The following RGS6 variants were observed in gnomAD, a reference collection of about 807,000 sequenced individuals.
RGS6 encodes the protein regulator of G protein signaling 6.
In RGS6, 30 loss-of-function variants were observed where a neutral mutation model predicts 78.5. The ratio of observed to expected loss-of-function variants is 0.38; its 90% CI spans 0.29 to 0.52. RGS6 has a LOEUF of 0.52. RGS6 is among the 20% of genes least tolerant of loss of function. RGS6 has a pLI of 0.85. For synonymous variants in RGS6, 206 were observed against 206.0 expected (o/e 1.00, Z 0.00); for missense variants, 495 against 609.7 (o/e 0.81, Z 1.98).
chr14:72,571,137 T>A (rs1390517307), downstream of RGS6, among the ~76,000 whole-genome samples: 1 of 152,216 alleles, frequency 6.6e-6, no homozygotes, highest in Non-Finnish European at 1.5e-5. Context: ...TTATTAGAAT[T>A]GAAAATTCCT....
chr14:72,236,362 C>A (rs1446608788), intron 2 of RGS6, among the ~76,000 whole-genome samples: 1 of 152,150 alleles, frequency 6.6e-6, no homozygotes, highest in African/African-American at 2.4e-5. Flanking sequence ...AACAGTTCAG[C>A]ATGCTTATTA....
At chr14:71,924,349 G>C in the RGS6 span, among the ~76,000 whole-genome samples, 1 of 152,188 alleles carries the variant, frequency 6.6e-6, no homozygotes, top group Non-Finnish European at 1.5e-5. Context: ...CTACAGTCAA[G>C]CAAATTAACA....
intron 2 of RGS6, among the ~76,000 whole-genome samples, chr14:72,176,948 C>T (rs1480196396): frequency 1.3e-5 from 2 of 152,128 alleles, no homozygotes; most frequent in African/African-American, 4.8e-5. Flanking sequence ...ATCAATTAAT[C>T]AATTTTGCCT....
chr14:72,619,429 T>C, the RGS6 span: 4 of 1,499,548 alleles, frequency 2.7e-6, no homozygotes, highest in Non-Finnish European at 2.7e-6. Flanking sequence ...CCCACCCCAC[T>C]GGCCCTAACT....
rs569257554 is a variant in RGS6 at position 72,188,552 on chromosome 14, G to A, written c.85-163543G>A. Among the ~76,000 whole-genome samples the A allele has an allele frequency of 5.9e-5, 9 of 152,176 alleles. No individual in the cohort carries two copies. The South Asian group carries it at 1.9e-3, about 32-fold the overall frequency. On this transcript the variant is annotated intron_variant, in intron 2 of 17. Coordinates refer to ENST00000553525, the MANE Select transcript of RGS6 (RefSeq NM_001204424.2). ...AAAAATTACCAATAATCCCACTATT[G>A]TACCTCAACAACTCTCTTCATTTTG... is the stretch of plus-strand genomic sequence containing the variant.
At chr14:72,255,179 T>C (rs538645040) in intron 2 of RGS6, among the ~76,000 whole-genome samples, 29 of 151,978 alleles carry the variant, frequency 1.9e-4, no homozygotes, top group Non-Finnish European at 3.2e-4. Flanking sequence ...AGGTTTAGGA[T>C]TGGCTAATTT....
chr14:72,077,464 A>G (rs7149363), intron 2 of RGS6, among the ~76,000 whole-genome samples: 99,293 of 151,938 alleles, frequency 0.65, 32,800 homozygotes, highest in East Asian at 0.8. Flanking sequence ...GTCCTTTTCT[A>G]TATTATTTCT....
At chr14:72,322,352 C>T (rs1184270505) in intron 2 of RGS6, among the ~76,000 whole-genome samples, 1 of 151,648 alleles carries the variant, frequency 6.6e-6, no homozygotes, top group Non-Finnish European at 1.5e-5. Flanking sequence ...AGGCATGACC[C>T]CAGATGGAGA....
chr14:72,383,395 G>A (rs1198202464), intron 3 of RGS6, among the ~76,000 whole-genome samples: 1 of 151,842 alleles, frequency 6.6e-6, no homozygotes, highest in Non-Finnish European at 1.5e-5. Flanking sequence ...TGGGCTTTTA[G>A]TAGACAGGAG....
intron 3 of RGS6, among the ~76,000 whole-genome samples, chr14:72,423,361 A>G (rs987546146): frequency 3.9e-5 from 6 of 152,152 alleles, no homozygotes; most frequent in African/African-American, 1.2e-4. Context: ...TTCCCCTCAA[A>G]AGCTGATGTC....
chr14:71,874,642 C>A, the RGS6 span, among the ~76,000 whole-genome samples: 60 of 152,292 alleles, frequency 3.9e-4, no homozygotes, highest in East Asian at 0.01. Context: ...ATTTCTTTCT[C>A]CTGCCTGATT....
intron 2 of RGS6, among the ~76,000 whole-genome samples, chr14:72,323,439 A>T (rs892863039): frequency 2.0e-5 from 3 of 148,748 alleles, no homozygotes; most frequent in African/African-American, 7.6e-5. Context: ...CAATGCAATA[A>T]AAAAAAAAAC....
chr14:71,931,922 A>G (rs776703619), upstream of RGS6, among the ~76,000 whole-genome samples: 1 of 152,194 alleles, frequency 6.6e-6, no homozygotes. Flanking sequence ...TTGAATACAT[A>G]AAAATGACGA....
intron 2 of RGS6, among the ~76,000 whole-genome samples, chr14:72,185,720 G>A (rs1024507471): frequency 5.9e-5 from 9 of 152,288 alleles, no homozygotes; most frequent in East Asian, 3.9e-4. Context: ...TGAGGTGAGC[G>A]GATTACTGAG....
At chr14:72,341,465 G>A (rs905480665) in intron 2 of RGS6, among the ~76,000 whole-genome samples, 6 of 152,190 alleles carry the variant, frequency 3.9e-5, no homozygotes, top group Non-Finnish European at 5.9e-5. Flanking sequence ...ACATATGTAT[G>A]CAAGTACTGG....
At position 72,307,803 on chromosome 14, in the gene RGS6, G is replaced by A. The variant is rs577312454; in HGVS notation, c.85-44292G>A. ...GATTCTTGAAAATTCATATACTAAA[G>A]TAAGAAGAATTGAATCTTTAAAATG... On this transcript the variant is annotated intron_variant, in intron 2 of 17. Coordinates refer to ENST00000553525, the MANE Select transcript of RGS6 (RefSeq NM_001204424.2). Among the ~76,000 whole-genome samples, 22 of 152,158 alleles carry A rather than the reference G, an allele frequency of 1.4e-4. No homozygotes were observed. In the East Asian group the frequency reaches 4.2e-3, roughly 29 times the overall value.
chr14:72,101,532 G>A (rs1352777087), intron 2 of RGS6, among the ~76,000 whole-genome samples: 2 of 152,310 alleles, frequency 1.3e-5, no homozygotes, highest in East Asian at 3.9e-4. Context: ...TGTGGCAGGA[G>A]GCTTTCTGCT....
intron 1 of RGS6, among the ~76,000 whole-genome samples, chr14:71,954,565 T>C (rs1433751233): frequency 6.6e-6 from 1 of 152,200 alleles, no homozygotes; most frequent in Non-Finnish European, 1.5e-5. Flanking sequence ...CAAGCATTTC[T>C]CCTTTGTGTT....
intron 2 of RGS6, among the ~76,000 whole-genome samples, chr14:72,142,197 A>G (rs535285013): frequency 6.6e-6 from 1 of 152,312 alleles, no homozygotes; most frequent in Admixed American, 6.5e-5. Flanking sequence ...TGATGGTTTT[A>G]TAAATACTGG....
Sources: allele counts gnomAD v4.1 joint callset (sites outside exome capture counted in the v4.1 genomes callset), GRCh38; gene constraint gnomAD v4.1.1; transcripts MANE v1.5; gene names NCBI Gene and HGNC (gene_info 2026-07-23, HGNC 2026-07-21).